NLRP6: variants seen among roughly 807,000 people sequenced by gnomAD.
The protein encoded by NLRP6 is NLR family pyrin domain containing 6, also known as NACHT, LRR and PYD domains-containing protein 6.
NLRP6 carries 55 observed loss-of-function variants against 70.9 expected under a neutral mutation model. The ratio of observed to expected loss-of-function variants is 0.78; its 90% CI spans 0.62 to 0.97. The LOEUF (loss-of-function observed/expected upper bound fraction) is 0.97, where lower values mean the gene tolerates loss of function less well. Ranked by LOEUF, NLRP6 falls within the 50% of genes least tolerant of loss-of-function variation. The pLI, the probability that NLRP6 is intolerant of heterozygous loss-of-function variation, is 0.00. For synonymous variants in NLRP6, 652 were observed against 581.9 expected (o/e 1.12, Z -1.73); for missense variants, 1,241 against 1,238.3 (o/e 1.00, Z -0.03).
Position 284,251 on chromosome 11 carries a change from T to A in NLRP6, c.2220T>A (p.Pro740=). The A allele has an allele frequency of 6.2e-7, 1 of 1,613,260 alleles. No individual in the cohort carries two copies. Residue 740 remains proline (P), a synonymous_variant, in exon 6 of 8, where the codon CCT becomes CCA. Transcript: ENST00000534750. ...SSLTLSHCKL[P]DAVCRDLSEA... The stretch of plus-strand genomic sequence containing the variant: ...ACAGGCTGTCCCACTGCAAACTCCC[T>A]GACGCGGTCTGCCGAGACCTTTCTG...
At position 278,609 on chromosome 11, in the gene NLRP6, G is replaced by GT. The variant is rs1845422001; in HGVS notation, c.29+11_29+12insT. ...GGCCCCCTGCTCCAGGTGAGTGCTG[G>GT]CCCCAGGGTGGTCACTGGGAACCGG... On this transcript the variant is annotated intron_variant, in intron 1 of 7. Coordinates refer to ENST00000534750, the MANE Select transcript of NLRP6 (RefSeq NM_001276700.2). This position sits in a 1 kb window ranked among gnomAD's most constrained non-coding sequence, Gnocchi z 4.7. The GT allele has an allele frequency of 1.3e-6, 2 of 1,581,038 alleles. No individual in the cohort carries two copies. Among genetic ancestry groups the GT allele is most frequent in the Non-Finnish European group, 8.6e-7 (1 of 1,164,962 alleles).
Position 278,529 on chromosome 11 carries a change from C to A in NLRP6, c.-41C>A. 1 of 1,493,282 alleles carries A rather than the reference C, an allele frequency of 6.7e-7. No individual in the cohort carries two copies. The highest frequency in any genetic ancestry group is 8.9e-7 in the Non-Finnish European group (1 of 1,121,474). The allele number at this position is 1,493,282 out of a possible 1,614,324, so 92.5% of individuals were successfully genotyped here. A position where few individuals can be genotyped will look rare whatever the true frequency, so the allele number is the denominator to read the frequency against. ...GAAGGAATCACCTCTCTGATCCCCA[C>A]CTCTGCCCCGGAGTGCTAGACCCAG... On this transcript the variant is annotated 5_prime_UTR_variant, in exon 1 of 8. Coordinates refer to ENST00000534750, the MANE Select transcript of NLRP6 (RefSeq NM_001276700.2). The surrounding 1 kb of genome is among the most constrained non-coding windows in gnomAD (Gnocchi z 4.7).
In NLRP6 at chr11:279,404, G is replaced by A. The variant is rs762980204; in HGVS notation, c.107G>A (p.Arg36His). ...GAACTGAGCCAAGAGCAGCTGAAGC[G>A]CTTCCGCCACAAGCTGCGCGACGTG... The part of the protein sequence containing the change: ...LEELSQEQLK[R>H]FRHKLRDVGP... Residue 36 changes from arginine (R) to histidine (H), a missense_variant, in exon 2 of 8, where the codon CGC becomes CAC. Physicochemically the swap from Arg to His is conservative, Grantham distance 29. Transcript: ENST00000534750. 2 of 1,353,498 alleles carry A rather than the reference G, an allele frequency of 1.5e-6. No individual in the cohort carries two copies. The highest frequency in any genetic ancestry group is 3.5e-5 in the South Asian group (2 of 57,422). 83.8% of individuals were successfully genotyped at this position (1,353,498 alleles called of 1,614,324 possible). A position where few individuals can be genotyped will look rare whatever the true frequency, so the allele number is the denominator to read the frequency against.
Position 282,777 on chromosome 11 carries a change from G to T in NLRP6, c.2178G>T (p.Leu726=), listed in dbSNP as rs375914026. The part of the protein sequence containing the change: ...HPLFQAMTDP[L]CHLSSLTLSH... ...TCTTTCAGGCAATGACTGACCCACT[G>T]TGCCATCTGAGCAGCCTCACGTGAG... Residue 726 remains leucine (L), a synonymous_variant, in exon 5 of 8, where the codon CTG becomes CTT. Transcript: ENST00000534750. The T allele has an allele frequency of 2.5e-6, 4 of 1,613,812 alleles. No individual in the cohort carries two copies.
intron 4 of NLRP6, 104 bp from the exon 5 acceptor site, chr11:282,601 G>A: frequency 3.4e-6 from 3 of 888,714 alleles, no homozygotes; most frequent in Non-Finnish European, 5.7e-6. Context: ...GAGGTGAGGA[G>A]GAGGGGCAGC....
In NLRP6 at chr11:284,521, A is replaced by G. The variant is rs773957190; in HGVS notation, c.2416A>G (p.Met806Val). The G allele has an allele frequency of 6.2e-7, 1 of 1,612,896 alleles. No homozygotes were observed. The highest frequency in any genetic ancestry group is 8.5e-7 in the Non-Finnish European group (1 of 1,179,840). Residue 806 changes from methionine to valine, a missense_variant, in exon 7 of 8, where the codon ATG becomes GTG. Met to Val is a conservative substitution (Grantham distance 21, BLOSUM62 1). Transcript: ENST00000534750. ...PQRGLQYLVG[M>V]LRQSPALTTL... ...GCGAGGGCTCCAGTACCTGGTGGGT[A>G]TGCTTCGGCAGAGCCCTGCCCTGAC...
In NLRP6 at chr11:280,679, G is replaced by A. The variant is rs1290215344; in HGVS notation, c.945G>A (p.Ala315=). ...TGCTAGGCGGGCTGCTGAGCAAGGC[G>A]CTGCTGCCCACGGCCCTCCTGCTGG... ...ARVLGGLLSK[A]LLPTALLLVT... The change falls in exon 4 of 8, where the codon GCG becomes GCA. Residue 315 remains alanine, a synonymous_variant. Transcript: ENST00000534750. 3.2e-6 allele frequency: 5 copies of A among 1,555,958 alleles called. No individual in the cohort carries two copies. The highest frequency in any genetic ancestry group is 2.8e-5 in the African/African-American group (2 of 72,626).
intron 5 of NLRP6, 115 bp downstream of exon 5, chr11:282,912 G>C: frequency 1.3e-6 from 1 of 775,704 alleles, no homozygotes; most frequent in South Asian, 1.4e-5. Context: ...CAGAGCCTGA[G>C]GCCTGTGGGT....
chr11:281,878 G>A, intron 4 of NLRP6, 39 bp downstream of exon 4: 1 of 1,526,658 alleles, frequency 6.6e-7, no homozygotes, highest in Non-Finnish European at 8.8e-7. Context: ...TGTGTGTGAG[G>A]TGTGTGTGCC....
intron 3 of NLRP6, 37 bp from the exon 4 acceptor site, chr11:280,047 C>T (rs1845444414): frequency 2.1e-6 from 3 of 1,452,452 alleles, no homozygotes; most frequent in Non-Finnish European, 2.7e-6. Context: ...GCCCCACCTC[C>T]GACCCTTGTC....
intron 4 of NLRP6, among the ~76,000 whole-genome samples, chr11:282,322 G>A (rs573042512): frequency 1.3e-5 from 2 of 152,150 alleles, no homozygotes; most frequent in Non-Finnish European, 1.5e-5. Context: ...CCAGACCCTC[G>A]GCTCCTCCAG....
chr11:281,807 G>A lies in NLRP6; in HGVS notation c.2073G>A (p.Gly691=). ...AGGAGAAGAAGAAGAAGAGCCTGGGGAAGCGGCTCCAGGCCAGCCTGGGTG... is the reference window on the plus strand; with the variant it reads ...AGGAGAAGAAGAAGAAGAGCCTGGGAAAGCGGCTCCAGGCCAGCCTGGGTG... ...AAQEKKKKSL[G]KRLQASLGGG... is the part of the protein sequence containing the mutation. The change falls in exon 4 of 8, where the codon GGG becomes GGA. Residue 691 remains glycine (G), a synonymous_variant. Coordinates refer to ENST00000534750, the MANE Select transcript of NLRP6 (RefSeq NM_001276700.2). 6.3e-7 allele frequency: 1 copy of A among 1,592,816 alleles called. No individual in the cohort carries two copies.
rs777994754 is a variant in NLRP6, at chr11:281,653, G to A, written c.1919G>A (p.Arg640Gln). The A allele has an allele frequency of 5.0e-6, 8 of 1,613,446 alleles. No homozygotes were observed. Among genetic ancestry groups the A allele is most frequent in the Non-Finnish European group, 6.8e-6 (8 of 1,179,996 alleles). ...GCGTTTGTGCGCCAAGCCCTGTGCC[G>A]GTTCCCGGAGCTGGCGCTGCAGCGA... ...EDAFVRQALCRFPELALQRVR... is the reference protein window; with the variant it reads ...EDAFVRQALCQFPELALQRVR... Residue 640 changes from arginine to glutamine, a missense_variant, in exon 4 of 8, where the codon CGG (arginine) becomes CAG (glutamine). By Grantham distance (43) the Arg-to-Gln change is conservative. Coordinates refer to ENST00000534750, the MANE Select transcript of NLRP6 (RefSeq NM_001276700.2).
At chr11:283,508 T>C (rs1021377541) in intron 5 of NLRP6, among the ~76,000 whole-genome samples, 9 of 150,214 alleles carry the variant, frequency 6.0e-5, no homozygotes, top group Non-Finnish European at 1.2e-4. Flanking sequence ...AGAGACAGGG[T>C]TTCACCGGGT....
rs780782573 is a variant in NLRP6, at chr11:278,511, T to G, written c.-59T>G. On this transcript the variant is annotated 5_prime_UTR_variant, in exon 1 of 8. Transcript: ENST00000534750. This position sits in a 1 kb window ranked among gnomAD's most constrained non-coding sequence, Gnocchi z 4.7. Reference sequence around the variant, plus strand: ...GGCTCCAGCTCAGCCTGTGAAGGAATCACCTCTCTGATCCCCACCTCTGCC... The same window carrying G: ...GGCTCCAGCTCAGCCTGTGAAGGAAGCACCTCTCTGATCCCCACCTCTGCC... The G allele has an allele frequency of 7.0e-7, 1 of 1,419,146 alleles. No individual in the cohort carries two copies. Among genetic ancestry groups the G allele is most frequent in the East Asian group, 2.7e-5 (1 of 37,454 alleles). The allele number at this position is 1,419,146 out of a possible 1,614,324, so 87.9% of individuals were successfully genotyped here. A position where few individuals can be genotyped will look rare whatever the true frequency, so the allele number is the denominator to read the frequency against.
Position 280,893 on chromosome 11 carries a change from G to T in NLRP6, c.1159G>T (p.Val387Leu). The change falls in exon 4 of 8, where the codon GTG becomes TTG. Residue 387 changes from valine (V) to leucine (L), a missense_variant. Transcript: ENST00000534750. ...ENETLFALCFVPFVCWIVCTV... is the reference protein window; with the variant it reads ...ENETLFALCFLPFVCWIVCTV... ...CGAGACGCTGTTCGCGCTGTGCTTC[G>T]TGCCCTTCGTGTGCTGGATCGTGTG... The T allele has an allele frequency of 6.2e-7, 1 of 1,613,324 alleles. No homozygotes were observed. The highest frequency in any genetic ancestry group is 8.5e-7 in the Non-Finnish European group (1 of 1,179,906).
rs1300981754 is a variant in NLRP6, at chr11:281,423, C to T, written c.1689C>T (p.Phe563=). The change falls in exon 4 of 8, where the codon TTC becomes TTT. Residue 563 remains phenylalanine (F), a synonymous_variant. Coordinates refer to ENST00000534750, the MANE Select transcript of NLRP6 (RefSeq NM_001276700.2). ...GGATGCGCGACATCGAGCGCCACTT[C>T]GGCTGCATGGTTTCAGAGCGTGTGA... The part of the protein sequence containing the change: ...AERMRDIERH[F]GCMVSERVKQ... The T allele has an allele frequency of 1.2e-6, 2 of 1,607,634 alleles. No homozygotes were observed. The highest frequency in any genetic ancestry group is 2.2e-5 in the East Asian group (1 of 44,828).
Position 280,374 on chromosome 11 carries a change from A to G in NLRP6, c.640A>G (p.Lys214Glu). ...CATCGGCAAGACCATGGCGGCCAAA[A>G]AGATCCTGTACGACTGGGCGGCGGG... ...AGIGKTMAAK[K>E]ILYDWAAGKL... The change falls in exon 4 of 8, where the codon AAG becomes GAG. Residue 214 changes from lysine to glutamate, a missense_variant. Lys to Glu is a moderately conservative substitution (Grantham distance 56). Transcript: ENST00000534750. 6.5e-7 allele frequency: 1 copy of G among 1,548,284 alleles called. No homozygotes were observed. The highest frequency in any genetic ancestry group is 8.7e-7 in the Non-Finnish European group (1 of 1,153,154).
Position 285,386 on chromosome 11 carries a change from A to G in NLRP6, c.*82A>G, listed in dbSNP as rs1402631953. 2 of 1,456,862 alleles carry G rather than the reference A, an allele frequency of 1.4e-6. No individual in the cohort carries two copies. The highest frequency in any genetic ancestry group is 2.8e-5 in the African/African-American group (2 of 71,120). The allele number at this position is 1,456,862 out of a possible 1,614,324, so 90.2% of individuals were successfully genotyped here. On this transcript the variant is annotated 3_prime_UTR_variant, in exon 8 of 8. Coordinates refer to ENST00000534750, the MANE Select transcript of NLRP6 (RefSeq NM_001276700.2). ...CGGCCCATTCCAAGGGCAGGAGGAT[A>G]TTGCTCTCGGCCTTTGGGAAACTTT...
Sources: allele counts gnomAD v4.1 joint callset (sites outside exome capture counted in the v4.1 genomes callset), GRCh38; gene constraint gnomAD v4.1.1; non-coding constraint Gnocchi (gnomAD v3.1); transcripts MANE v1.5; gene names NCBI Gene and HGNC (gene_info 2026-07-23, HGNC 2026-07-21).